Variants in ZDHHC11 observed in about 807,000 individuals in gnomAD.
The protein encoded by ZDHHC11 is zDHHC palmitoyltransferase 11.
In ZDHHC11, 44 loss-of-function variants were observed where a neutral mutation model predicts 51.3. The observed-to-expected ratio is 0.86, with a 90% confidence interval of 0.67 to 1.10. ZDHHC11 has a LOEUF of 1.10. Ranked by LOEUF, ZDHHC11 falls within the 50% of genes least tolerant of loss-of-function variation. ZDHHC11 has a pLI of 0.00. For missense variants in ZDHHC11, 400 were observed against 537.7 expected, an observed-to-expected ratio of 0.74 and a Z score of 2.53; for synonymous variants, 163 against 222.0, an observed-to-expected ratio of 0.73 and a Z score of 2.36.
intron 3 of ZDHHC11, among the ~76,000 whole-genome samples, chr5:847,225 G>A (rs1484195244): frequency 1.3e-5 from 2 of 151,726 alleles, no homozygotes; most frequent in Admixed American, 1.3e-4. Context: ...CCCAGCCCAG[G>A]ACAGCGTGGT....
chr5:859,678 G>A (rs1748688692), upstream of ZDHHC11, among the ~76,000 whole-genome samples: 1 of 152,188 alleles, frequency 6.6e-6, no homozygotes, highest in African/African-American at 2.4e-5. Flanking sequence ...GCCATCCTCT[G>A]AGCTCAGGAA....
chr5:808,726 C>T (rs1166644375), intron 11 of ZDHHC11, among the ~76,000 whole-genome samples: 1 of 141,592 alleles, frequency 7.1e-6, no homozygotes, highest in Non-Finnish European at 1.6e-5. Flanking sequence ...TTGAGACAGT[C>T]TTGCTCTGTC....
chr5:840,317 T>C (rs1222509266), intron 5 of ZDHHC11, 178 bp downstream of exon 5: 5 of 943,346 alleles, frequency 5.3e-6, no homozygotes, highest in African/African-American at 1.7e-5. Context: ...GCCCTTTTTG[T>C]CCATGATCTC....
upstream of ZDHHC11, among the ~76,000 whole-genome samples, chr5:859,243 C>T (rs759859108): frequency 2.0e-5 from 3 of 152,144 alleles, no homozygotes; most frequent in Non-Finnish European, 4.4e-5. Flanking sequence ...TCGGCCTCCC[C>T]CTCCCTGCCT....
intron 11 of ZDHHC11, among the ~76,000 whole-genome samples, chr5:812,816 C>T (rs185868929): frequency 1.3e-5 from 2 of 151,298 alleles, no homozygotes; most frequent in East Asian, 1.9e-4. Context: ...GACTAAGCCA[C>T]GGTATATGCA....
intron 10 of ZDHHC11, chr5:816,767 C>A: frequency 2.0e-6 from 1 of 498,330 alleles, no homozygotes; most frequent in Non-Finnish European, 3.9e-6. Flanking sequence ...AAAGAGCCTA[C>A]AGGAGTGGAT....
Position 795,828 on chromosome 5 carries a change from CTCCCATTTCCCAGTACTA to C in ZDHHC11, c.*742_*759del, listed in dbSNP as rs1737484656. On this transcript the variant is annotated 3_prime_UTR_variant, in exon 13 of 13. Coordinates refer to ENST00000283441, the MANE Select transcript of ZDHHC11 (RefSeq NM_024786.3). The stretch of plus-strand genomic sequence containing the variant: ...TATGCTCCCATTTCCCAGTACTGTG[CTCCCATTTCCCAGTACTA>C]TGCTCCCATTTCCGAGTACTGTGAA... 6.6e-6 allele frequency: 1 copy of C among 152,074 alleles called. No homozygotes were observed. Among genetic ancestry groups the C allele is most frequent in the Non-Finnish European group, 1.5e-5 (1 of 67,586 alleles). 9.4% of individuals were successfully genotyped at this position (152,074 alleles called of 1,614,324 possible). A position where few individuals can be genotyped will look rare whatever the true frequency, so the allele number is the denominator to read the frequency against.
At chr5:834,533 T>C (rs1743537149) in intron 6 of ZDHHC11, among the ~76,000 whole-genome samples, 1 of 152,104 alleles carries the variant, frequency 6.6e-6, no homozygotes, top group Non-Finnish European at 1.5e-5. Context: ...TGTTGTTTTT[T>C]TACAATTGCA....
At chr5:838,235 AG>A (rs1744197866) in intron 5 of ZDHHC11, among the ~76,000 whole-genome samples, 1 of 151,990 alleles carries the variant, frequency 6.6e-6, no homozygotes, top group Admixed American at 6.6e-5. Context: ...AAAGCAGCCC[AG>A]GGAAGCAAAG....
At position 850,583 on chromosome 5, in the gene ZDHHC11, C is replaced by T; in HGVS notation, c.20G>A (p.Ser7Asn). The T allele has an allele frequency of 6.2e-7, 1 of 1,613,422 alleles. No individual in the cohort carries two copies. Among genetic ancestry groups the T allele is most frequent in the South Asian group, 1.1e-5 (1 of 91,080 alleles). MDTRSG[S>N]QCSVTPEAIL... Reference sequence around the variant, plus strand: ...GGCTTCTGGGGTGACGGAACACTGGCTCCCGGAGCGGGTGTCCATCTGCAG... The same window carrying T: ...GGCTTCTGGGGTGACGGAACACTGGTTCCCGGAGCGGGTGTCCATCTGCAG... The change falls in exon 1 of 13, where the codon AGC becomes AAC. Residue 7 changes from serine (S) to asparagine (N), a missense_variant. By Grantham distance (46) the Ser-to-Asn change is conservative. Transcript: ENST00000283441.
chr5:816,407 G>C (rs775753292), intron 10 of ZDHHC11: 2 of 424,368 alleles, frequency 4.7e-6, no homozygotes, highest in Non-Finnish European at 9.4e-6. Flanking sequence ...TGGGGTTGGC[G>C]GGGGTTCCAG....
Position 829,233 on chromosome 5 carries a change from C to A in ZDHHC11, c.936-3982G>T, listed in dbSNP as rs1409989815. Among the ~76,000 whole-genome samples the A allele has an allele frequency of 3.3e-5, 5 of 150,692 alleles. No individual in the cohort carries two copies. The East Asian group carries it at 5.8e-4, about 18-fold the overall frequency. ...AAAGCCAGTTTTCTGAAAACACAAACAAAATTGATTGACCATTAGCAACAT... is the reference window on the plus strand; with the variant it reads ...AAAGCCAGTTTTCTGAAAACACAAAAAAAATTGATTGACCATTAGCAACAT... On this transcript the variant is annotated intron_variant, in intron 7 of 12. Coordinates refer to ENST00000283441, the MANE Select transcript of ZDHHC11 (RefSeq NM_024786.3).
intron 3 of ZDHHC11, among the ~76,000 whole-genome samples, chr5:845,400 G>A (rs1475083754): frequency 1.3e-5 from 2 of 151,302 alleles, no homozygotes; most frequent in African/African-American, 4.9e-5. Flanking sequence ...AAGCCCACAG[G>A]ATGGGGCAGA....
intron 6 of ZDHHC11, among the ~76,000 whole-genome samples, chr5:835,393 G>C: frequency 6.6e-6 from 1 of 151,588 alleles, no homozygotes. Flanking sequence ...CCTTTCTTCT[G>C]GTCCATTTCT....
chr5:850,217 A>G lies in ZDHHC11; in HGVS notation c.222+164T>C, dbSNP rs73730972. 0.012 allele frequency: 9,102 copies of G among 753,586 alleles called. 477 individuals are homozygous for G. In the African/African-American group the frequency reaches 0.13, roughly 10 times the overall value. The allele number at this position is 753,586 out of a possible 1,614,324, so 46.7% of individuals were successfully genotyped here. ...ACCCTAAGCAGGGGCTGCACAGAGCATGAGTGGCCACTGGGCCCACCTGCA... is the reference window on the plus strand; with the variant it reads ...ACCCTAAGCAGGGGCTGCACAGAGCGTGAGTGGCCACTGGGCCCACCTGCA... On this transcript the variant is annotated intron_variant, in intron 1 of 12. Transcript: ENST00000283441.
chr5:805,795 G>C (rs1186694818), intron 11 of ZDHHC11, among the ~76,000 whole-genome samples: 1 of 151,264 alleles, frequency 6.6e-6, no homozygotes, highest in Non-Finnish European at 1.5e-5. Flanking sequence ...TGTGGACAAA[G>C]ATGCTGAGTT....
chr5:840,833 G>T, intron 4 of ZDHHC11, 183 bp from the exon 5 acceptor site: 1 of 1,476,904 alleles, frequency 6.8e-7, no homozygotes, highest in South Asian at 1.3e-5. Flanking sequence ...GCTGCCTTCG[G>T]TTGGTTTTCA....
At position 850,429 on chromosome 5, in the gene ZDHHC11, C is replaced by T. The variant is rs764573715; in HGVS notation, c.174G>A (p.Gly58=). Residue 58 remains glycine, a synonymous_variant, in exon 1 of 13, where the codon GGG becomes GGA. Transcript: ENST00000283441. The part of the protein sequence containing the change: ...VFVGLSSATF[G]IFIPFLPHAW... ...CGTGAGGCAGGAAGGGAATGAAGAT[C>T]CCGAAGGTGGCCGAGGAAAGGCCCA... The T allele has an allele frequency of 6.2e-6, 10 of 1,613,514 alleles. No individual in the cohort carries two copies. The South Asian group carries it at 1.1e-4, about 18-fold the overall frequency.
chr5:834,155 G>C (rs1228917353), intron 6 of ZDHHC11, among the ~76,000 whole-genome samples: 2 of 152,294 alleles, frequency 1.3e-5, no homozygotes, highest in Non-Finnish European at 2.9e-5. Flanking sequence ...CCTCGGTGGT[G>C]TCTGTCTTGT....
Sources: allele counts gnomAD v4.1 joint callset (sites outside exome capture counted in the v4.1 genomes callset), GRCh38; gene constraint gnomAD v4.1.1; transcripts MANE v1.5; gene names NCBI Gene and HGNC (gene_info 2026-07-23, HGNC 2026-07-21).